The following DPP10 variants were observed in gnomAD, a reference collection of about 807,000 sequenced individuals.
DPP10 encodes dipeptidyl peptidase like 10, also known as inactive dipeptidyl peptidase 10.
DPP10 carries 33 observed loss-of-function variants against 120.9 expected under a neutral mutation model. The observed-to-expected ratio is 0.27, with a 90% CI of 0.21 to 0.37. The LOEUF (loss-of-function observed/expected upper bound fraction) is 0.37. Ranked by LOEUF, DPP10 falls within the 10% of genes least tolerant of loss-of-function variation. DPP10 has a pLI of 1.00. For synonymous variants in DPP10, 337 were observed against 326.1 expected (o/e 1.03, Z -0.36); for missense variants, 816 against 942.8 (o/e 0.87, Z 1.76).
At chr2:115,472,297 A>G (rs1299570081) in intron 3 of DPP10, among the ~76,000 whole-genome samples, 1 of 152,208 alleles carries the variant, frequency 6.6e-6, no homozygotes, top group Non-Finnish European at 1.5e-5. Context: ...ATGGTAGAAC[A>G]AATTTTGAAG....
chr2:115,153,939 T>C (rs1317752139), intron 1 of DPP10, among the ~76,000 whole-genome samples: 1 of 152,190 alleles, frequency 6.6e-6, no homozygotes, highest in African/African-American at 2.4e-5. Flanking sequence ...ATACCCCATC[T>C]ATCAGCAATT....
chr2:115,579,455 T>G (rs961596395), intron 5 of DPP10: 6 of 152,182 alleles, frequency 3.9e-5, no homozygotes, highest in African/African-American at 1.4e-4. Flanking sequence ...ATTAACCCAA[T>G]TGGGTCTCTC....
chr2:115,837,587 T>C (rs1559224296), intron 24 of DPP10, among the ~76,000 whole-genome samples: 1 of 152,124 alleles, frequency 6.6e-6, no homozygotes, highest in Non-Finnish European at 1.5e-5. Flanking sequence ...GGGTACTATA[T>C]GGAAAAAGAG....
At chr2:115,832,842 G>C (rs893640811) in intron 21 of DPP10, among the ~76,000 whole-genome samples, 1 of 151,822 alleles carries the variant, frequency 6.6e-6, no homozygotes, top group African/African-American at 2.4e-5. Context: ...AGGGAACATC[G>C]GCTGGGACTA....
At chr2:115,343,239 TATC>T (rs1357143518) in intron 2 of DPP10, among the ~76,000 whole-genome samples, 1 of 152,204 alleles carries the variant, frequency 6.6e-6, no homozygotes, top group African/African-American at 2.4e-5. Context: ...ATGTGTGTAT[TATC>T]ATTAATATTC....
intron 1 of DPP10, among the ~76,000 whole-genome samples, chr2:114,811,271 A>G (rs1685148421): frequency 6.6e-6 from 1 of 152,206 alleles, no homozygotes; most frequent in Non-Finnish European, 1.5e-5. Flanking sequence ...GAATGGCAAC[A>G]TTTCAGAAAG....
At chr2:114,562,123 G>C (rs1385680434) in intron 1 of DPP10, among the ~76,000 whole-genome samples, 1 of 152,172 alleles carries the variant, frequency 6.6e-6, no homozygotes, top group East Asian at 1.9e-4. Flanking sequence ...AATATTACAG[G>C]TACTTTTTTA....
chr2:115,056,161 C>T (rs960455917), intron 1 of DPP10, among the ~76,000 whole-genome samples: 8 of 152,028 alleles, frequency 5.3e-5, no homozygotes, highest in Non-Finnish European at 1.2e-4. Context: ...TGCATACATA[C>T]GGATCCTTAA....
chr2:115,302,966 T>G (rs2061207115), intron 1 of DPP10, among the ~76,000 whole-genome samples: 1 of 152,040 alleles, frequency 6.6e-6, no homozygotes, highest in South Asian at 2.1e-4. Context: ...ATATAAGAAA[T>G]AATCTCTATG....
chr2:115,431,025 C>T (rs2070927681), intron 3 of DPP10, among the ~76,000 whole-genome samples: 1 of 152,202 alleles, frequency 6.6e-6, no homozygotes. Context: ...GTTGGTTAAA[C>T]AGATATGATA....
chr2:114,532,244 A>T (rs1356249284), intron 1 of DPP10, among the ~76,000 whole-genome samples: 2 of 124,248 alleles, frequency 1.6e-5, no homozygotes, highest in Non-Finnish European at 1.7e-5. Context: ...GCCAATTCCC[A>T]TAATAAATCT....
Position 115,437,132 on chromosome 2 carries a change from G to T in DPP10, c.272-62378G>T, listed in dbSNP as rs765289649. Among the ~76,000 whole-genome samples the T allele has an allele frequency of 2.0e-5, 3 of 151,862 alleles. No individual in the cohort carries two copies. In the South Asian group the frequency reaches 6.2e-4, roughly 31 times the overall value. On this transcript the variant is annotated intron_variant, in intron 3 of 25. Transcript: ENST00000410059. ...GAGACTTCCAAAATCCTCTAATCTG[G>T]CCTCTTACATGATTTCATGGAAAAG...
intron 3 of DPP10, among the ~76,000 whole-genome samples, chr2:115,393,069 T>C (rs1031277609): frequency 6.6e-6 from 1 of 152,130 alleles, no homozygotes; most frequent in African/African-American, 2.4e-5. Flanking sequence ...TCCCAGCACA[T>C]TGGGAGGCTG....
intron 1 of DPP10, among the ~76,000 whole-genome samples, chr2:114,585,179 G>C (rs757234352): frequency 3.9e-5 from 6 of 152,168 alleles, no homozygotes; most frequent in Admixed American, 1.3e-4. Flanking sequence ...CTCCTTTGGA[G>C]ACTCTAGGGA....
chr2:114,556,615 G>T (rs1437195277), intron 1 of DPP10, among the ~76,000 whole-genome samples: 1 of 152,114 alleles, frequency 6.6e-6, no homozygotes, highest in Non-Finnish European at 1.5e-5. Flanking sequence ...GCTGGTATTT[G>T]GAAGGCATCA....
At chr2:115,442,249 G>C (rs2104880205) in intron 3 of DPP10, among the ~76,000 whole-genome samples, 1 of 152,040 alleles carries the variant, frequency 6.6e-6, no homozygotes, top group African/African-American at 2.4e-5. Flanking sequence ...AAGCTCACTG[G>C]CTCTGTAAGA....
At chr2:114,882,996 A>G (rs1262885368) in intron 1 of DPP10, among the ~76,000 whole-genome samples, 1 of 152,216 alleles carries the variant, frequency 6.6e-6, no homozygotes, top group Non-Finnish European at 1.5e-5. Context: ...TCTTACATCC[A>G]TTCTGAGAAA....
chr2:115,017,457 G>T (rs961540514), intron 1 of DPP10, among the ~76,000 whole-genome samples: 1 of 152,046 alleles, frequency 6.6e-6, no homozygotes, highest in African/African-American at 2.4e-5. Flanking sequence ...ATTCCTCAGG[G>T]ATCTAGAACT....
intron 12 of DPP10, among the ~76,000 whole-genome samples, chr2:115,767,212 G>A (rs755017661): frequency 3.9e-5 from 6 of 152,058 alleles, no homozygotes; most frequent in Admixed American, 2.6e-4. Context: ...CCTGGAGCAG[G>A]ATCATGCAGG....
Sources: gnomAD v4.1 joint callset for allele counts (sites outside exome capture counted in the v4.1 genomes callset) on GRCh38, gnomAD v4.1.1 for gene constraint, MANE v1.5 for transcripts, NCBI Gene and HGNC (gene_info 2026-07-23, HGNC 2026-07-21) for gene names.